BRWD1: variants seen among roughly 807,000 people sequenced by gnomAD.
BRWD1 encodes the protein bromodomain and WD repeat domain containing 1, also known as bromodomain and WD repeat-containing protein 1.
Under a neutral mutation model 251.2 loss-of-function variants are expected in BRWD1, and 82 were observed. The observed-to-expected ratio is 0.33, with a 90% CI of 0.27 to 0.39. The LOEUF is 0.39. Among genes scored for constraint, BRWD1 ranks in the 10% least tolerant of loss-of-function variants. The probability of loss-of-function intolerance (pLI) is 1.00; values close to 1 mark genes in which losing one functional copy is unlikely to be tolerated. For synonymous variants in BRWD1, 918 were observed against 902.8 expected, an observed-to-expected ratio of 1.02 and a Z score of -0.30; for missense variants, 2,233 against 2,711.6, an observed-to-expected ratio of 0.82 and a Z score of 3.92.
At chr21:39,237,160 T>C (rs187765097) in intron 22 of BRWD1, among the ~76,000 whole-genome samples, 4 of 152,196 alleles carry the variant, frequency 2.6e-5, no homozygotes, top group African/African-American at 4.8e-5. Context: ...GCCCCACCAC[T>C]ACCCCCATGT....
chr21:39,207,559 T>C (rs1316170857), intron 36 of BRWD1, among the ~76,000 whole-genome samples: 1 of 151,022 alleles, frequency 6.6e-6, no homozygotes, highest in Non-Finnish European at 1.5e-5. Flanking sequence ...CCAGCGGGAA[T>C]GTAAAAAGGT....
At chr21:39,209,750 C>CTA (rs1425611180) in intron 36 of BRWD1, 6 of 324,764 alleles carry the variant, frequency 1.8e-5, no homozygotes, top group Admixed American at 8.8e-5. Flanking sequence ...TCCCATTAAT[C>CTA]CCCACTTGCT....
chr21:39,298,373 A>G, intron 5 of BRWD1, 59 bp downstream of exon 5: 1 of 1,448,830 alleles, frequency 6.9e-7, no homozygotes, highest in Non-Finnish European at 9.1e-7. Flanking sequence ...ATTACTTCAC[A>G]ATTATAATAA....
Position 39,191,336 on chromosome 21 carries a change from TG to T in BRWD1, c.*4922del. 1 of 985,322 alleles carries T rather than the reference TG, an allele frequency of 1.0e-6. No individual in the cohort carries two copies. The highest frequency in any genetic ancestry group is 4.7e-5 in the South Asian group (1 of 21,286). The allele number at this position is 985,322 out of a possible 1,614,324, so 61.0% of individuals were successfully genotyped here. ...AAGAAATTACCAGTGGAAAAGAGGTTGGGGAACCACTTGGGACAAGTCTGGA... is the reference window on the plus strand; with the variant it reads ...AAGAAATTACCAGTGGAAAAGAGGTTGGGAACCACTTGGGACAAGTCTGGA... On this transcript the variant is annotated 3_prime_UTR_variant, in exon 41 of 41. Coordinates refer to ENST00000342449, the MANE Select transcript of BRWD1 (RefSeq NM_033656.4).
In BRWD1 at chr21:39,265,082, T is replaced by C. The variant is rs981982909; in HGVS notation, c.1531-63A>G. The C allele has an allele frequency of 2.0e-6, 3 of 1,535,858 alleles. No individual in the cohort carries two copies. The African/African-American group carries it at 4.2e-5, about 21-fold the overall frequency. ...TATGCAAGTGATTTGCTATGTAAAC[T>C]TTTTTAATGTGGATAACCTGTGACA... is the stretch of plus-strand genomic sequence containing the variant. On this transcript the variant is annotated intron_variant, in intron 15 of 40. Transcript: ENST00000342449.
intron 21 of BRWD1, among the ~76,000 whole-genome samples, chr21:39,245,601 G>GT (rs11298805): frequency 0.014 from 1,717 of 118,790 alleles, 38 homozygotes; most frequent in African/African-American, 0.051. Context: ...TTTTTTTTTG[G>GT]TTTTTTTTTT....
intron 12 of BRWD1, 59 bp downstream of exon 12, chr21:39,276,114 A>C: frequency 6.9e-7 from 1 of 1,450,656 alleles, no homozygotes; most frequent in Non-Finnish European, 9.5e-7. Context: ...CTATACTAAC[A>C]TGTAGCACAT....
At chr21:39,203,438 C>CTTTTTTTTTTT (rs71330353) in intron 37 of BRWD1, among the ~76,000 whole-genome samples, 1,363 of 67,698 alleles carry the variant, frequency 0.02, 172 homozygotes, top group Middle Eastern at 0.034. Context: ...GACCCTGGTT[C>CTTTTTTTTTTT]TTTTTTTTTT....
intron 32 of BRWD1, 125 bp downstream of exon 32, chr21:39,215,112 T>C (rs1457916340): frequency 6.8e-6 from 6 of 883,254 alleles, no homozygotes; most frequent in Admixed American, 4.5e-5. Flanking sequence ...GCAAGTGATC[T>C]GACGGCCTTC....
At chr21:39,283,859 G>C (rs552519329) in intron 8 of BRWD1, among the ~76,000 whole-genome samples, 3 of 152,168 alleles carry the variant, frequency 2.0e-5, no homozygotes, top group Admixed American at 2.0e-4. Context: ...AAATAGTCTT[G>C]CTTTTTTTTT....
intron 15 of BRWD1, among the ~76,000 whole-genome samples, chr21:39,268,151 A>G (rs2034984351): frequency 1.3e-5 from 2 of 152,226 alleles, no homozygotes; most frequent in South Asian, 4.1e-4. Context: ...GGATATTCAG[A>G]TTAGTCTCAA....
In BRWD1 at chr21:39,192,303, C is replaced by T. The variant is rs535448873; in HGVS notation, c.*3956G>A. On this transcript the variant is annotated 3_prime_UTR_variant, in exon 41 of 41. Coordinates refer to ENST00000342449, the MANE Select transcript of BRWD1 (RefSeq NM_033656.4). The stretch of plus-strand genomic sequence containing the variant: ...ATTCACAGTTTGAGCTAGGAATTAA[C>T]ATTTGCTAATCTAGTTGGACTCAGT... 12 of 985,286 alleles carry T rather than the reference C, an allele frequency of 1.2e-5. No homozygotes were observed. The African/African-American group carries it at 2.1e-4, about 17-fold the overall frequency. 61.0% of individuals were successfully genotyped at this position (985,286 alleles called of 1,614,324 possible).
At chr21:39,259,586 G>T (rs1022287984) in intron 17 of BRWD1, among the ~76,000 whole-genome samples, 2 of 152,112 alleles carry the variant, frequency 1.3e-5, no homozygotes, top group Non-Finnish European at 2.9e-5. Context: ...CCGGGGCGTG[G>T]TGGCTCACAT....
intron 1 of BRWD1, 45 bp from the exon 2 acceptor site, chr21:39,313,344 A>G (rs1283251229): frequency 2.1e-6 from 3 of 1,420,120 alleles, no homozygotes; most frequent in Non-Finnish European, 2.8e-6. Flanking sequence ...CGGGGAGGGG[A>G]GGGGGACGGG....
chr21:39,308,753 C>T (rs901739122), intron 4 of BRWD1, among the ~76,000 whole-genome samples: 2 of 152,098 alleles, frequency 1.3e-5, no homozygotes, highest in Admixed American at 6.5e-5. Flanking sequence ...GAAAAAGGAA[C>T]AAGTTACCAT....
chr21:39,214,438 ATACTC>A (rs1189964493), intron 32 of BRWD1, among the ~76,000 whole-genome samples: 1 of 152,178 alleles, frequency 6.6e-6, no homozygotes, highest in East Asian at 1.9e-4. Context: ...TAACATAACT[ATACTC>A]TATAAAATAA....
At chr21:39,245,781 G>A (rs936518248) in intron 21 of BRWD1, among the ~76,000 whole-genome samples, 2 of 151,950 alleles carry the variant, frequency 1.3e-5, no homozygotes, top group African/African-American at 4.8e-5. Flanking sequence ...TGTCTTTTTA[G>A]TAGAGACAGG....
chr21:39,207,842 T>C (rs1470082215), intron 36 of BRWD1, among the ~76,000 whole-genome samples: 2 of 152,236 alleles, frequency 1.3e-5, no homozygotes, highest in African/African-American at 2.4e-5. Context: ...TTCTGATACA[T>C]GCTACAACAT....
Position 39,224,328 on chromosome 21 carries a change from AAT to A in BRWD1, c.3382+78_3382+79del, listed in dbSNP as rs1278328953. On this transcript the variant is annotated intron_variant, in intron 29 of 40. Transcript: ENST00000342449. ...TTGAATATATTGATCATAGAATACA[AAT>A]ATGTTTGTTCCATGTGCACTGGCAA... is the stretch of plus-strand genomic sequence containing the variant. The A allele has an allele frequency of 1.0e-5, 8 of 788,096 alleles. No homozygotes were observed. The African/African-American group carries it at 1.1e-4, about 11-fold the overall frequency. The allele number at this position is 788,096 out of a possible 1,614,324, so 48.8% of individuals were successfully genotyped here. A position where few individuals can be genotyped will look rare whatever the true frequency, so the allele number is the denominator to read the frequency against.
Sources: allele counts gnomAD v4.1 joint callset (sites outside exome capture counted in the v4.1 genomes callset), GRCh38; gene constraint gnomAD v4.1.1; transcripts MANE v1.5; gene names NCBI Gene and HGNC (gene_info 2026-07-23, HGNC 2026-07-21).